Variants in CAPN5 observed in about 807,000 individuals in gnomAD.
CAPN5 encodes the protein calpain-5.
A neutral mutation model predicts 73.0 loss-of-function variants in CAPN5; 54 were observed. The ratio of observed to expected loss-of-function variants is 0.74; its 90% confidence interval spans 0.59 to 0.93. The LOEUF (loss-of-function observed/expected upper bound fraction) is 0.93. Among genes scored for constraint, CAPN5 ranks in the 40% least tolerant of loss-of-function variants. The pLI is 0.00. For missense variants in CAPN5, 785 were observed against 882.9 expected (o/e 0.89, Z 1.41); for synonymous variants, 335 against 356.9 (o/e 0.94, Z 0.69).
At chr11:77,072,150 C>G (rs1949914467) in intron 1 of CAPN5, among the ~76,000 whole-genome samples, 1 of 152,230 alleles carries the variant, frequency 6.6e-6, no homozygotes, top group Non-Finnish European at 1.5e-5. Flanking sequence ...GGCAATATTT[C>G]TCTACTTCCT....
intron 7 of CAPN5, among the ~76,000 whole-genome samples, 193 bp downstream of exon 7, chr11:77,116,496 G>A (rs1950469853): frequency 2.0e-5 from 3 of 152,336 alleles, no homozygotes; most frequent in African/African-American, 7.2e-5. Flanking sequence ...GCAGTACCAG[G>A]CCCTTTCATC....
intron 2 of CAPN5, among the ~76,000 whole-genome samples, chr11:77,092,463 G>A (rs1427756988): frequency 6.6e-6 from 1 of 152,218 alleles, no homozygotes; most frequent in Admixed American, 6.5e-5. Flanking sequence ...AGAGCTCCTT[G>A]GGCAGGGTCA....
intron 1 of CAPN5, among the ~76,000 whole-genome samples, chr11:77,083,457 T>C (rs537196908): frequency 9.2e-5 from 14 of 152,280 alleles, no homozygotes; most frequent in African/African-American, 3.4e-4. Context: ...GGCACTAAAG[T>C]CAGAGGATCT....
intron 2 of CAPN5, among the ~76,000 whole-genome samples, chr11:77,093,355 C>T (rs902988833): frequency 3.3e-5 from 5 of 152,188 alleles, no homozygotes; most frequent in Non-Finnish European, 4.4e-5. Flanking sequence ...TAGGGAGGGG[C>T]GCAGCGGGTA....
chr11:77,076,270 G>C (rs1019843166), intron 1 of CAPN5, among the ~76,000 whole-genome samples: 1 of 152,152 alleles, frequency 6.6e-6, no homozygotes, highest in Admixed American at 6.5e-5. Flanking sequence ...CAGGAGAATC[G>C]CTTGAATCCA....
chr11:77,083,321 C>T (rs1484193651), intron 1 of CAPN5, among the ~76,000 whole-genome samples: 1 of 152,208 alleles, frequency 6.6e-6, no homozygotes, highest in Non-Finnish European at 1.5e-5. Context: ...CCGCGCTCGC[C>T]TCTTTCCTTT....
At position 77,113,190 on chromosome 11, in the gene CAPN5, C is replaced by T. The variant is rs556993827; in HGVS notation, c.506+393C>T. 6.6e-5 allele frequency among the ~76,000 whole-genome samples: 10 copies of T among 152,332 alleles called. No homozygotes were observed. The East Asian group carries it at 1.9e-3, about 29-fold the overall frequency. On this transcript the variant is annotated intron_variant, in intron 4 of 12. Coordinates refer to ENST00000648180, the MANE Select transcript of CAPN5 (RefSeq NM_004055.5). ...CTGGGGCCTGGTTGTGCAGGGTGGG[C>T]CACGTGCCTGCCTTCCCCGCCTGCT...
At chr11:77,107,370 G>A (rs77733961) in intron 3 of CAPN5, among the ~76,000 whole-genome samples, 1,670 of 152,226 alleles carry the variant, frequency 0.011, 37 homozygotes, top group African/African-American at 0.038. Context: ...GAAACGCTCC[G>A]CACTGGCCCT....
intron 3 of CAPN5, among the ~76,000 whole-genome samples, chr11:77,098,818 G>C (rs1303072532): frequency 2.0e-4 from 27 of 135,784 alleles, no homozygotes; most frequent in African/African-American, 7.7e-4. Context: ...CGGCTGGCCG[G>C]GCGGGGGGCT....
At chr11:77,092,221 GACAAAA>G (rs781800161) in intron 2 of CAPN5, among the ~76,000 whole-genome samples, 6 of 152,098 alleles carry the variant, frequency 3.9e-5, no homozygotes, top group African/African-American at 7.2e-5. Context: ...GCCTCAAAAA[GACAAAA>G]ACAAAAACAA....
In CAPN5 at chr11:77,084,922, C is replaced by T. The variant is rs1950067692; in HGVS notation, c.36C>T (p.Asn12=). The T allele has an allele frequency of 1.9e-6, 3 of 1,613,966 alleles. No individual in the cohort carries two copies. Among genetic ancestry groups the T allele is most frequent in the Non-Finnish European group, 2.5e-6 (3 of 1,180,032 alleles). Residue 12 remains asparagine (N), a synonymous_variant, in exon 2 of 13, where the codon AAC becomes AAT. Transcript: ENST00000648180. The part of the protein sequence containing the change: ...FSCVKPYEDQ[N]YSALRRDCRR... ...GTGTGAAGCCCTATGAGGACCAGAA[C>T]TACTCAGCCCTGAGGCGGGACTGCC...
intron 3 of CAPN5, among the ~76,000 whole-genome samples, chr11:77,110,320 C>T (rs1167312962): frequency 1.3e-5 from 2 of 152,142 alleles, no homozygotes; most frequent in Non-Finnish European, 2.9e-5. Flanking sequence ...TCGAACTGGC[C>T]TCAAGTGATC....
In CAPN5 at chr11:77,112,774, C is replaced by T; in HGVS notation, c.483C>T (p.Ala161=). The T allele has an allele frequency of 6.2e-7, 1 of 1,614,232 alleles. No individual in the cohort carries two copies. Among genetic ancestry groups the T allele is most frequent in the Non-Finnish European group, 8.5e-7 (1 of 1,180,042 alleles). ...HSNSRNEFWC[A]LVEKAYAKLA... ...ACTCCCGCAATGAGTTTTGGTGCGC[C>T]CTAGTGGAGAAGGCCTATGCCAAGT... The change falls in exon 4 of 13, where the codon GCC becomes GCT. Residue 161 remains alanine (A), a synonymous_variant. Transcript: ENST00000648180.
chr11:77,080,457 C>T (rs994488201), intron 1 of CAPN5, among the ~76,000 whole-genome samples: 2 of 152,222 alleles, frequency 1.3e-5, no homozygotes, highest in African/African-American at 2.4e-5. Flanking sequence ...TGACTTGCCC[C>T]TCCACACAGC....
At chr11:77,123,647 G>A in intron 12 of CAPN5, 41 bp from the exon 13 acceptor site, 2 of 1,555,048 alleles carry the variant, frequency 1.3e-6, no homozygotes, top group Admixed American at 1.7e-5. Context: ...GCTGGTCTTG[G>A]AGGTAGCCCG....
intron 2 of CAPN5, among the ~76,000 whole-genome samples, chr11:77,091,126 G>A (rs951469366): frequency 4.6e-5 from 7 of 152,146 alleles, no homozygotes; most frequent in East Asian, 1.9e-4. Flanking sequence ...TGGTTCTTCC[G>A]GGCAGAGGGG....
chr11:77,095,600 G>A (rs911809161), intron 3 of CAPN5, among the ~76,000 whole-genome samples: 7 of 152,176 alleles, frequency 4.6e-5, no homozygotes, highest in Admixed American at 1.3e-4. Flanking sequence ...GCAGCCCCAC[G>A]GTCGGCCTTG....
intron 3 of CAPN5, among the ~76,000 whole-genome samples, chr11:77,094,100 G>A (rs1950184072): frequency 6.6e-6 from 1 of 152,242 alleles, no homozygotes; most frequent in Non-Finnish European, 1.5e-5. Flanking sequence ...ATACACACCT[G>A]TGAAATGTGG....
rs1195542128 is a variant in CAPN5, at chr11:77,093,612, A to ACGTCTG, written c.166-70_166-69insCGTCTG. The ACGTCTG allele has an allele frequency of 2.9e-5, 42 of 1,437,044 alleles. 1 individual carries two copies. In the African/African-American group the frequency reaches 6.0e-4, roughly 20 times the overall value. 89.0% of individuals were successfully genotyped at this position (1,437,044 alleles called of 1,614,324 possible). ...TGTGTCTGTCACGTCTGTGTCTGTCATGTCTCCTGCCATGGGGGGCATCCG... is the reference window on the plus strand; with the variant it reads ...TGTGTCTGTCACGTCTGTGTCTGTCACGTCTGTGTCTCCTGCCATGGGGGGCATCCG... On this transcript the variant is annotated intron_variant, in intron 2 of 12. Coordinates refer to ENST00000648180, the MANE Select transcript of CAPN5 (RefSeq NM_004055.5).
Sources: allele counts gnomAD v4.1 joint callset (sites outside exome capture counted in the v4.1 genomes callset), GRCh38; gene constraint gnomAD v4.1.1; transcripts MANE v1.5; gene names NCBI Gene and HGNC (gene_info 2026-07-23, HGNC 2026-07-21).